The following CLASP2 variants were observed in gnomAD, a reference collection of about 807,000 sequenced individuals.
CLASP2 encodes the protein cytoplasmic linker associated protein 2.
In CLASP2, 47 loss-of-function variants were observed where a neutral mutation model predicts 194.4. The observed-to-expected ratio is 0.24, with a 90% CI of 0.19 to 0.31. The LOEUF (loss-of-function observed/expected upper bound fraction) is 0.31. Among genes scored for constraint, CLASP2 ranks in the 10% least tolerant of loss-of-function variants. CLASP2 has a pLI of 1.00. For synonymous variants in CLASP2, 619 were observed against 633.5 expected, an observed-to-expected ratio of 0.98 and a Z score of 0.34; for missense variants, 1,445 against 1,823.6, an observed-to-expected ratio of 0.79 and a Z score of 3.78.
At chr3:33,543,730 C>G (rs1372819818) in intron 31 of CLASP2, among the ~76,000 whole-genome samples, 191 bp from the exon 32 acceptor site, 10 of 152,150 alleles carry the variant, frequency 6.6e-5, no homozygotes, top group Admixed American at 6.5e-4. Flanking sequence ...GAATGTAACT[C>G]TTTAGTCTTT....
chr3:33,583,289 T>A (rs988501972), intron 22 of CLASP2, among the ~76,000 whole-genome samples: 5 of 152,224 alleles, frequency 3.3e-5, no homozygotes, highest in African/African-American at 1.2e-4. Context: ...ACTTTCTATA[T>A]ACACAGCAAA....
At chr3:33,541,626 C>A (rs563929771) in intron 32 of CLASP2, among the ~76,000 whole-genome samples, 2 of 152,236 alleles carry the variant, frequency 1.3e-5, no homozygotes, top group Non-Finnish European at 2.9e-5. Context: ...CTAAGGATAA[C>A]AGTCTCCAGC....
intron 33 of CLASP2, among the ~76,000 whole-genome samples, chr3:33,538,219 T>C (rs565471191): frequency 1.2e-4 from 19 of 152,354 alleles, no homozygotes; most frequent in Middle Eastern, 3.4e-3. Flanking sequence ...ACACTGGTTT[T>C]CTTCCTAGTC....
At chr3:33,514,873 T>C (rs112711054) in intron 36 of CLASP2, among the ~76,000 whole-genome samples, 167 of 151,680 alleles carry the variant, frequency 1.1e-3, no homozygotes, top group African/African-American at 4.0e-3. Flanking sequence ...ACACACACCA[T>C]GGAATACTAC....
intron 1 of CLASP2, among the ~76,000 whole-genome samples, chr3:33,704,124 G>C (rs1402521401): frequency 6.6e-6 from 1 of 152,110 alleles, no homozygotes; most frequent in African/African-American, 2.4e-5. Context: ...GATTTTTAGG[G>C]CAGTAAAACT....
intron 34 of CLASP2, among the ~76,000 whole-genome samples, chr3:33,534,943 C>T (rs564434148): frequency 1.8e-4 from 28 of 151,978 alleles, no homozygotes; most frequent in African/African-American, 6.5e-4. Context: ...TAAATTGTGT[C>T]TAGAGGTAAA....
In CLASP2 at chr3:33,573,310, T is replaced by C; in HGVS notation, c.2499A>G (p.Ser833=). ...RRRYESYGMH[S]DDDANSDASS... ...ATGCATCGCTGTTGGCGTCATCATC[T>C]GAATGCATTCCATATGATTCATATC... Residue 833 remains serine (S), a synonymous_variant, in exon 25 of 39, where the codon TCA becomes TCG. Coordinates refer to ENST00000682230, the MANE Select transcript of CLASP2 (RefSeq NM_001365631.1). The C allele has an allele frequency of 6.2e-7, 1 of 1,613,886 alleles. No homozygotes were observed.
chr3:33,633,379 G>A (rs2079468009), intron 8 of CLASP2, among the ~76,000 whole-genome samples: 1 of 152,170 alleles, frequency 6.6e-6, no homozygotes, highest in Non-Finnish European at 1.5e-5. Flanking sequence ...TGAGACAAGA[G>A]AGGCTGACGC....
At chr3:33,514,690 A>AG in intron 36 of CLASP2, 1 of 369,148 alleles carries the variant, frequency 2.7e-6, no homozygotes, top group Non-Finnish European at 5.6e-6. Flanking sequence ...CTAGAAAAAA[A>AG]GAAGTCATGA....
intron 12 of CLASP2, among the ~76,000 whole-genome samples, chr3:33,616,912 G>C (rs2076284027): frequency 6.6e-6 from 1 of 150,918 alleles, no homozygotes; most frequent in South Asian, 2.1e-4. Flanking sequence ...TAATTTTTTT[G>C]TATTTTTAGT....
At chr3:33,551,066 A>G (rs2059942969) in intron 30 of CLASP2, among the ~76,000 whole-genome samples, 186 bp downstream of exon 30, 1 of 152,236 alleles carries the variant, frequency 6.6e-6, no homozygotes. Flanking sequence ...TTTTGATTCT[A>G]GGTTTGAAAA....
At chr3:33,562,405 A>T (rs1004553997) in intron 27 of CLASP2, among the ~76,000 whole-genome samples, 1 of 152,164 alleles carries the variant, frequency 6.6e-6, no homozygotes, top group Non-Finnish European at 1.5e-5. Flanking sequence ...ATAGTCTATG[A>T]CAAATGCATG....
At chr3:33,555,421 A>G (rs1332191291) in intron 29 of CLASP2, among the ~76,000 whole-genome samples, 5 of 150,384 alleles carry the variant, frequency 3.3e-5, no homozygotes, top group Non-Finnish European at 7.4e-5. Flanking sequence ...GGTAGAGTGC[A>G]GTGGTGTCAT....
intron 6 of CLASP2, among the ~76,000 whole-genome samples, chr3:33,680,086 A>C (rs1249769928): frequency 6.6e-6 from 1 of 152,342 alleles, no homozygotes. Context: ...TTATGGAGAA[A>C]ACCTAAAATA....
At chr3:33,676,622 C>A (rs1559610185) in intron 6 of CLASP2, among the ~76,000 whole-genome samples, 1 of 152,058 alleles carries the variant, frequency 6.6e-6, no homozygotes, top group Non-Finnish European at 1.5e-5. Flanking sequence ...CTAGGCATTA[C>A]CATTCAGGAC....
intron 26 of CLASP2, among the ~76,000 whole-genome samples, chr3:33,569,065 A>G (rs575640722): frequency 6.6e-6 from 1 of 152,304 alleles, no homozygotes; most frequent in South Asian, 2.1e-4. Context: ...AACAAAAACC[A>G]AAATCAAACA....
intron 27 of CLASP2, among the ~76,000 whole-genome samples, chr3:33,564,752 A>G (rs2062385454): frequency 6.6e-6 from 1 of 151,954 alleles, no homozygotes; most frequent in African/African-American, 2.4e-5. Context: ...CATCATGTCC[A>G]GTTAATTTTT....
At chr3:33,506,882 G>A (rs904146762) in intron 37 of CLASP2, among the ~76,000 whole-genome samples, 1 of 149,788 alleles carries the variant, frequency 6.7e-6, no homozygotes, top group African/African-American at 2.4e-5. Flanking sequence ...TTTGTAATAC[G>A]TTTTAAAATT....
intron 12 of CLASP2, among the ~76,000 whole-genome samples, chr3:33,615,820 T>C (rs1355270427): frequency 6.6e-6 from 1 of 151,842 alleles, no homozygotes; most frequent in Non-Finnish European, 1.5e-5. Flanking sequence ...AAAAGCACCA[T>C]CTGAAAATGA....
Sources: gnomAD v4.1 joint callset for allele counts (sites outside exome capture counted in the v4.1 genomes callset) on GRCh38, gnomAD v4.1.1 for gene constraint, MANE v1.5 for transcripts, NCBI Gene and HGNC (gene_info 2026-07-23, HGNC 2026-07-21) for gene names.